Variants in TMEM123 observed in about 807,000 individuals in gnomAD.
The protein encoded by TMEM123 is porimin.
In TMEM123, 16 loss-of-function variants were observed where a neutral mutation model predicts 19.7. The observed-to-expected ratio is 0.81, with a 90% confidence interval of 0.55 to 1.23. The LOEUF (loss-of-function observed/expected upper bound fraction) is 1.23. Among genes scored for constraint, TMEM123 ranks in the 50% most tolerant of loss-of-function variants. The probability of loss-of-function intolerance (pLI) is 0.00; values close to 1 mark genes in which losing one functional copy is unlikely to be tolerated. For missense variants in TMEM123, 313 were observed against 257.8 expected (o/e 1.21, Z -1.47); for synonymous variants, 118 against 99.4 (o/e 1.19, Z -1.12).
rs536855876 is a variant in TMEM123 at position 102,416,683 on chromosome 11, A to G, written c.158-14477T>C. Among the ~76,000 whole-genome samples the G allele has an allele frequency of 2.0e-5, 3 of 152,226 alleles. 1 individual carries two copies. The highest frequency in any genetic ancestry group is 2.1e-4 in the South Asian group (1 of 4,818). ...AACATTCTGATACCAAAACCTGGCA[A>G]AGACACAACAAAAAAAGAAAACTTC... On this transcript the variant is annotated intron_variant, in intron 2 of 4. Coordinates refer to ENST00000398136, the MANE Select transcript of TMEM123 (RefSeq NM_052932.3).
chr11:102,442,667 T>C (rs1290114876), intron 2 of TMEM123, among the ~76,000 whole-genome samples: 40 of 152,154 alleles, frequency 2.6e-4, no homozygotes, highest in Non-Finnish European at 2.9e-5. Context: ...ACTACTCCCA[T>C]TCAACACACT....
chr11:102,403,257 G>A (rs755430003), intron 2 of TMEM123, among the ~76,000 whole-genome samples: 2 of 152,142 alleles, frequency 1.3e-5, no homozygotes, highest in African/African-American at 2.4e-5. Context: ...TGATCTGCTC[G>A]CCTCAGCTTC....
intron 2 of TMEM123, among the ~76,000 whole-genome samples, chr11:102,404,848 C>T (rs1951942025): frequency 6.6e-6 from 1 of 152,116 alleles, no homozygotes; most frequent in Admixed American, 6.5e-5. Flanking sequence ...GATCTGCCTG[C>T]CTTGGCCTCC....
At position 102,396,445 on chromosome 11, in the gene TMEM123, T is replaced by C. The variant is rs1951856268; in HGVS notation, c.*2422A>G. On this transcript the variant is annotated 3_prime_UTR_variant, in exon 5 of 5. Transcript: ENST00000398136. ...GAGTTTAACTTTTTTTTTGTGAAAA[T>C]ACAAAATTATCACTATAATATACTG... is the stretch of plus-strand genomic sequence containing the variant. The C allele has an allele frequency of 6.6e-6, 1 of 152,174 alleles. No homozygotes were observed. Among genetic ancestry groups the C allele is most frequent in the Non-Finnish European group, 1.5e-5 (1 of 68,024 alleles). The allele number at this position is 152,174 out of a possible 1,614,324, so 9.4% of individuals were successfully genotyped here. A position where few individuals can be genotyped will look rare whatever the true frequency, so the allele number is the denominator to read the frequency against.
intron 2 of TMEM123, among the ~76,000 whole-genome samples, chr11:102,426,431 T>G (rs997741933): frequency 4.6e-5 from 7 of 152,012 alleles, no homozygotes; most frequent in Non-Finnish European, 1.0e-4. Flanking sequence ...TCACAATTCA[T>G]TTCCCTCTAT....
intron 2 of TMEM123, among the ~76,000 whole-genome samples, chr11:102,439,734 C>G (rs1156519271): frequency 2.0e-5 from 3 of 152,140 alleles, no homozygotes; most frequent in Admixed American, 6.6e-5. Flanking sequence ...TTCAGACGAT[C>G]GGTAATAACA....
At chr11:102,434,887 C>T in intron 2 of TMEM123, among the ~76,000 whole-genome samples, 1 of 151,852 alleles carries the variant, frequency 6.6e-6, no homozygotes, top group Non-Finnish European at 1.5e-5. Flanking sequence ...TGTCTGAAAT[C>T]AACTGGCCAT....
chr11:102,415,490 A>G (rs574295027), intron 2 of TMEM123, among the ~76,000 whole-genome samples: 1 of 152,314 alleles, frequency 6.6e-6, no homozygotes, highest in African/African-American at 2.4e-5. Flanking sequence ...CATACCAACC[A>G]CACCCTCAGA....
At chr11:102,421,613 C>A (rs1294679330) in intron 2 of TMEM123, among the ~76,000 whole-genome samples, 1 of 151,858 alleles carries the variant, frequency 6.6e-6, no homozygotes, top group Non-Finnish European at 1.5e-5. Context: ...AATTTTAATT[C>A]ATTGTGTAAA....
chr11:102,414,225 A>G (rs1952026605), intron 2 of TMEM123, among the ~76,000 whole-genome samples: 1 of 152,202 alleles, frequency 6.6e-6, no homozygotes, highest in Non-Finnish European at 1.5e-5. Context: ...CCTACAACTC[A>G]CTGGCATCCC....
chr11:102,433,572 T>C (rs1857734038), intron 2 of TMEM123, among the ~76,000 whole-genome samples: 1 of 151,978 alleles, frequency 6.6e-6, no homozygotes, highest in Admixed American at 6.6e-5. Context: ...TTTGGACTTT[T>C]GGGTTAATGC....
intron 1 of TMEM123, chr11:102,449,142 T>C (rs1408515137): frequency 6.2e-6 from 2 of 323,962 alleles, no homozygotes; most frequent in East Asian, 1.3e-4. Flanking sequence ...ATGCAACAGC[T>C]TTGCCAAAAT....
intron 2 of TMEM123, among the ~76,000 whole-genome samples, chr11:102,418,610 A>G (rs1377268761): frequency 1.3e-5 from 2 of 152,226 alleles, no homozygotes; most frequent in Non-Finnish European, 2.9e-5. Flanking sequence ...TGAAGATTTC[A>G]CAAAGAACTT....
At chr11:102,417,166 G>A (rs1370060024) in intron 2 of TMEM123, among the ~76,000 whole-genome samples, 1 of 152,028 alleles carries the variant, frequency 6.6e-6, no homozygotes, top group Non-Finnish European at 1.5e-5. Context: ...GAAATAACAG[G>A]AAACCAAGAA....
chr11:102,417,346 C>T (rs988926660), intron 2 of TMEM123, among the ~76,000 whole-genome samples: 28 of 152,100 alleles, frequency 1.8e-4, no homozygotes, highest in African/African-American at 6.5e-4. Flanking sequence ...TTTCTATACA[C>T]CAATAATGCC....
chr11:102,428,322 G>C (rs1323831414), intron 2 of TMEM123, among the ~76,000 whole-genome samples: 1 of 151,560 alleles, frequency 6.6e-6, no homozygotes, highest in African/African-American at 2.4e-5. Context: ...ATTTTTTTGA[G>C]ATGGAGTCTC....
intron 2 of TMEM123, among the ~76,000 whole-genome samples, chr11:102,447,664 A>G (rs1857898179): frequency 6.6e-6 from 1 of 152,200 alleles, no homozygotes; most frequent in Non-Finnish European, 1.5e-5. Context: ...TTTAACTAAG[A>G]CCCTCTCACA....
intron 2 of TMEM123, among the ~76,000 whole-genome samples, chr11:102,407,364 CTA>C (rs1951964795): frequency 6.6e-6 from 1 of 152,190 alleles, no homozygotes; most frequent in Non-Finnish European, 1.5e-5. Flanking sequence ...GACATTCTAT[CTA>C]TAACACCTCA....
At chr11:102,441,062 CA>C (rs1480888437) in intron 2 of TMEM123, among the ~76,000 whole-genome samples, 1 of 152,172 alleles carries the variant, frequency 6.6e-6, no homozygotes, top group Non-Finnish European at 1.5e-5. Flanking sequence ...TAGAGACCTA[CA>C]AAGAGACTCA....
Sources: allele counts gnomAD v4.1 joint callset (sites outside exome capture counted in the v4.1 genomes callset), GRCh38; gene constraint gnomAD v4.1.1; transcripts MANE v1.5; gene names NCBI Gene and HGNC (gene_info 2026-07-23, HGNC 2026-07-21).